TENM1: variants seen among roughly 807,000 people sequenced by gnomAD.
TENM1 encodes teneurin-1.
In TENM1, 35 loss-of-function variants were observed where a neutral mutation model predicts 174.8. That is an observed-to-expected ratio of 0.20 (90% CI 0.15 to 0.27). TENM1 has a LOEUF of 0.27. Ranked by LOEUF, TENM1 falls within the 10% of genes least tolerant of loss-of-function variation. The pLI is 1.00. For synonymous variants in TENM1, 781 were observed against 798.7 expected, an observed-to-expected ratio of 0.98 and a Z score of 0.37; for missense variants, 1,633 against 2,130.1, an observed-to-expected ratio of 0.77 and a Z score of 4.59.
At chrX:124,945,066 T>A (rs1406545072) in intron 1 of TENM1, among the ~76,000 whole-genome samples, 2 of 110,799 alleles carry the variant, frequency 1.8e-5, no homozygotes, top group African/African-American at 6.6e-5. Context: ...AAAACAAATG[T>A]GTTGGAGGAG....
chrX:124,822,243 T>C (rs1337490280), intron 3 of TENM1, among the ~76,000 whole-genome samples: 2 of 112,162 alleles, frequency 1.8e-5, no homozygotes, highest in East Asian at 5.7e-4. Flanking sequence ...TAGAGGATGA[T>C]GGAAGAACAT....
At chrX:125,131,274 C>T in the TENM1 span, among the ~76,000 whole-genome samples, 1 of 111,694 alleles carries the variant, frequency 9.0e-6, no homozygotes, top group African/African-American at 3.3e-5. Context: ...TAAAAGACAG[C>T]TTTACTGATG....
chrX:125,016,638 C>G, the TENM1 span, among the ~76,000 whole-genome samples: 1 of 111,388 alleles, frequency 9.0e-6, no homozygotes, highest in South Asian at 3.8e-4. Flanking sequence ...GCCATACTGC[C>G]CAAAGTAATT....
At chrX:124,737,288 A>T in intron 3 of TENM1, 91 bp from the exon 7 acceptor site, 1 of 999,104 alleles carries the variant, frequency 1.0e-6, no homozygotes. Flanking sequence ...CCAGGATTTC[A>T]GATAATAAAA....
chrX:124,612,213 CTG>C (rs1478159012), intron 11 of TENM1, among the ~76,000 whole-genome samples: 3 of 109,733 alleles, frequency 2.7e-5, no homozygotes, highest in Non-Finnish European at 5.7e-5. Flanking sequence ...GTGTGTGTGT[CTG>C]TGTGTGTGTG....
At chrX:124,727,388 G>A (rs901025678) in intron 4 of TENM1, among the ~76,000 whole-genome samples, 4 of 111,996 alleles carry the variant, frequency 3.6e-5, no homozygotes, top group Admixed American at 9.5e-5. Context: ...CCAACACTTG[G>A]CCAAAAATTA....
At chrX:125,100,918 G>C in the TENM1 span, among the ~76,000 whole-genome samples, 2 of 111,417 alleles carry the variant, frequency 1.8e-5, no homozygotes, top group East Asian at 5.6e-4. Flanking sequence ...AGATTGACCT[G>C]TTGGCCCAAA....
rs1037564705 is a variant in TENM1, at chrX:124,787,914, T to C, written c.536-50717A>G. Among the ~76,000 whole-genome samples the C allele has an allele frequency of 3.6e-5, 4 of 111,901 alleles. No homozygotes were observed. In the Admixed American group the frequency reaches 3.8e-4, roughly 11 times the overall value. ...GGACAATTTACAAAAGAAAGCGGCT[T>C]ATTGGACTTACAGTTCCACATGGCT... On this transcript the variant is annotated intron_variant, in intron 3 of 31. Transcript: ENST00000422452.
upstream of TENM1, chrX:124,963,853 A>G: frequency 1.4e-6 from 1 of 696,642 alleles, no homozygotes; most frequent in Non-Finnish European, 2.2e-6. Context: ...GCCTTCTTAG[A>G]TTTATCTTTT....
the TENM1 span, among the ~76,000 whole-genome samples, chrX:124,980,292 C>A: frequency 1.8e-5 from 2 of 111,098 alleles, no homozygotes; most frequent in Non-Finnish European, 3.8e-5. Flanking sequence ...TGAAAATCAT[C>A]CAAGTTATAT....
the TENM1 span, among the ~76,000 whole-genome samples, chrX:125,187,191 C>T: frequency 8.9e-6 from 1 of 112,169 alleles, no homozygotes; most frequent in African/African-American, 3.2e-5. Context: ...ATCAGGGAGG[C>T]GGAGGTTGCA....
chrX:124,415,003 C>A (rs185286495), intron 25 of TENM1, among the ~76,000 whole-genome samples: 4 of 111,745 alleles, frequency 3.6e-5, no homozygotes, highest in Non-Finnish European at 1.9e-5. Flanking sequence ...TTTAGGAGGG[C>A]CTGGTATCAG....
intron 23 of TENM1, among the ~76,000 whole-genome samples, chrX:124,430,026 T>C (rs1363209145): frequency 1.8e-5 from 2 of 111,664 alleles, no homozygotes; most frequent in Non-Finnish European, 3.8e-5. Context: ...ATCAGATTAG[T>C]ATTTTAGAAA....
At chrX:124,690,484 A>AGTGTGTGTGTGT (rs58386633) in intron 5 of TENM1, among the ~76,000 whole-genome samples, 9 of 93,486 alleles carry the variant, frequency 9.6e-5, no homozygotes, top group Non-Finnish European at 1.9e-4. Flanking sequence ...GCTTTGTTAG[A>AGTGTGTGTGTGT]GTGTGTGTGT....
At chrX:124,625,939 C>T (rs1165769976) in intron 11 of TENM1, among the ~76,000 whole-genome samples, 1 of 111,122 alleles carries the variant, frequency 9.0e-6, no homozygotes, top group African/African-American at 3.3e-5. Context: ...TGAGGGAATA[C>T]CTATGTTCAA....
Position 124,481,753 on chromosome X carries a change from C to T in TENM1, c.3928G>A (p.Ala1310Thr), listed in dbSNP as rs764524762. ...TTACCTCGAGGGCTATTCAGTGAAGCTTCCGATGCTCTCCCACCATCTCCA... is the reference window on the plus strand; with the variant it reads ...TTACCTCGAGGGCTATTCAGTGAAGTTTCCGATGCTCTCCCACCATCTCCA... Residue 1310 changes from alanine to threonine, a missense_variant, in exon 22 of 32, where the codon GCT becomes ACT. This residue lies in a region of TENM1 where 807 missense variants were observed against 1,125.3 expected (regional missense o/e 0.72). Transcript: ENST00000422452. The T allele has an allele frequency of 8.6e-5, 97 of 1,131,246 alleles. No homozygotes were observed. The South Asian group carries it at 1.8e-3, about 21-fold the overall frequency. 93.2% of individuals were successfully genotyped at this position (1,131,246 alleles called of 1,213,427 possible).
At chrX:124,467,280 T>G (rs1410571370) in intron 22 of TENM1, among the ~76,000 whole-genome samples, 1 of 112,099 alleles carries the variant, frequency 8.9e-6, no homozygotes, top group Non-Finnish European at 1.9e-5. Flanking sequence ...ATTTGAGGCT[T>G]GAAGATAACC....
intron 11 of TENM1, 130 bp downstream of exon 14, chrX:124,641,661 T>A: frequency 1.7e-6 from 1 of 574,056 alleles, no homozygotes; most frequent in Admixed American, 3.0e-5. Context: ...AATACTAACC[T>A]AGGACATACC....
the TENM1 span, among the ~76,000 whole-genome samples, chrX:125,055,650 T>C: frequency 1.1e-3 from 127 of 111,754 alleles, no homozygotes; most frequent in African/African-American, 2.9e-3. Context: ...TGTCCATTCC[T>C]TTGCAGTGAC....
Sources: gnomAD v4.1 joint callset for allele counts (sites outside exome capture counted in the v4.1 genomes callset) on GRCh38, gnomAD v4.1.1 for gene constraint, gnomAD v4.1.1 regional missense constraint, MANE v1.5 for transcripts, NCBI Gene and HGNC (gene_info 2026-07-23, HGNC 2026-07-21) for gene names.